Variants in BICRAL observed in about 807,000 individuals in gnomAD.
BICRAL encodes the protein BICRA like chromatin remodeling complex associated protein, also known as BRD4-interacting chromatin-remodeling complex-associated protein-like.
BICRAL carries 8 observed loss-of-function variants against 91.8 expected under a neutral mutation model. The ratio of observed to expected loss-of-function variants is 0.09; its 90% CI spans 0.05 to 0.16. The LOEUF (loss-of-function observed/expected upper bound fraction) is 0.16. BICRAL is among the 10% of genes least tolerant of loss of function. BICRAL has a pLI of 1.00. For missense variants in BICRAL, 1,038 were observed against 1,310.9 expected, an observed-to-expected ratio of 0.79 and a Z score of 3.21; for synonymous variants, 445 against 491.1, an observed-to-expected ratio of 0.91 and a Z score of 1.24.
At chr6:42,827,302 A>G (rs909278026) in intron 5 of BICRAL, among the ~76,000 whole-genome samples, 3 of 152,230 alleles carry the variant, frequency 2.0e-5, no homozygotes, top group Non-Finnish European at 4.4e-5. Context: ...TGTGTAAGGC[A>G]CGTAAGATCA....
chr6:42,867,898 T>C lies in BICRAL; in HGVS notation c.*2452T>C, dbSNP rs1765759608. The C allele has an allele frequency of 1.3e-5, 2 of 152,472 alleles. No homozygotes were observed. Among genetic ancestry groups the C allele is most frequent in the South Asian group, 4.1e-4 (2 of 4,828 alleles). 9.4% of individuals were successfully genotyped at this position (152,472 alleles called of 1,614,324 possible). ...AATGACAAATGAAGATTATGACATG[T>C]ATTTCACTCCTGTGATTAGGTTCTA... On this transcript the variant is annotated 3_prime_UTR_variant, in exon 13 of 13. Coordinates refer to ENST00000314073, the MANE Select transcript of BICRAL (RefSeq NM_001393499.1).
At chr6:42,816,750 C>T (rs192523525) in intron 2 of BICRAL, among the ~76,000 whole-genome samples, 15 of 152,026 alleles carry the variant, frequency 9.9e-5, no homozygotes, top group African/African-American at 3.6e-4. Flanking sequence ...CGTGGTGGCT[C>T]ACGCCTGTAA....
intron 3 of BICRAL, 32 bp from the exon 4 acceptor site, chr6:42,822,764 T>C: frequency 7.8e-7 from 1 of 1,276,202 alleles, no homozygotes; most frequent in South Asian, 1.2e-5. Context: ...ATTTGTTTGT[T>C]GTTTTATCTC....
At position 42,830,108 on chromosome 6, in the gene BICRAL, C is replaced by T. The variant is rs754908273; in HGVS notation, c.1775C>T (p.Ser592Phe). The T allele has an allele frequency of 3.7e-6, 6 of 1,614,056 alleles. No homozygotes were observed. The highest frequency in any genetic ancestry group is 5.1e-6 in the Non-Finnish European group (6 of 1,179,996). The change falls in exon 6 of 13, where the codon TCC (serine) becomes TTC (phenylalanine). Residue 592 changes from serine to phenylalanine, a missense_variant. Around this residue, in one of 5 missense-constraint regions of BICRAL, gnomAD observed 532 missense variants for 724.9 expected, o/e 0.73. Coordinates refer to ENST00000314073, the MANE Select transcript of BICRAL (RefSeq NM_001393499.1). ...TCTCATCGTCTTCCAGTTTCTTCTT[C>T]CAAGTCTACCAGCACCTTCAGTAAC... ...SVSHRLPVSS[S>F]KSTSTFSNTP...
upstream of BICRAL, among the ~76,000 whole-genome samples, chr6:42,778,309 C>T (rs780330610): frequency 1.2e-4 from 19 of 152,178 alleles, no homozygotes; most frequent in African/African-American, 4.6e-4. Context: ...CCTGACAGAG[C>T]GTGAGTTTTG....
chr6:42,813,668 G>A (rs1024334436), intron 2 of BICRAL, among the ~76,000 whole-genome samples: 26 of 152,024 alleles, frequency 1.7e-4, no homozygotes, highest in Admixed American at 1.6e-3. Context: ...TTACAGGTGC[G>A]CACCACCATG....
intron 1 of BICRAL, among the ~76,000 whole-genome samples, chr6:42,808,077 G>A (rs757135933): frequency 1.3e-5 from 2 of 151,472 alleles, no homozygotes; most frequent in Non-Finnish European, 2.9e-5. Flanking sequence ...TATTTGCTGG[G>A]GATATGAAGA....
intron 1 of BICRAL, among the ~76,000 whole-genome samples, chr6:42,808,680 G>C (rs909144584): frequency 6.7e-6 from 1 of 150,014 alleles, no homozygotes; most frequent in African/African-American, 2.5e-5. Context: ...GGGTGTGTGT[G>C]GGGGAGAGAT....
chr6:42,781,374 A>C (rs1762898817), upstream of BICRAL, among the ~76,000 whole-genome samples: 1 of 151,994 alleles, frequency 6.6e-6, no homozygotes, highest in Admixed American at 6.6e-5. Flanking sequence ...GGAATGGACA[A>C]AGAGTGTTGC....
chr6:42,790,829 A>G (rs1281783037), intron 1 of BICRAL, among the ~76,000 whole-genome samples: 1 of 152,032 alleles, frequency 6.6e-6, no homozygotes, highest in Non-Finnish European at 1.5e-5. Context: ...AATGTTCTGT[A>G]TAGTAGAAGA....
intron 10 of BICRAL, 26 bp from the exon 11 acceptor site, chr6:42,860,236 A>G (rs1765512037): frequency 5.3e-6 from 7 of 1,310,502 alleles, no homozygotes; most frequent in Non-Finnish European, 7.7e-6. Flanking sequence ...GTCTCTCACT[A>G]TTTCTTTGTC....
At chr6:42,767,824 G>A (rs1002663062) in intron 1 of BICRAL, among the ~76,000 whole-genome samples, 1 of 152,200 alleles carries the variant, frequency 6.6e-6, no homozygotes, top group Non-Finnish European at 1.5e-5. Context: ...GAAGGCAGGG[G>A]AGGTGTCCAT....
chr6:42,815,004 G>A (rs1398037704), intron 2 of BICRAL, among the ~76,000 whole-genome samples: 1 of 150,614 alleles, frequency 6.6e-6, no homozygotes, highest in Non-Finnish European at 1.5e-5. Context: ...TCCACCTCCT[G>A]GTTCAAGAGA....
chr6:42,794,131 C>T (rs1200758685), intron 1 of BICRAL, among the ~76,000 whole-genome samples: 1 of 151,896 alleles, frequency 6.6e-6, no homozygotes, highest in Non-Finnish European at 1.5e-5. Flanking sequence ...CTTCCTGCCT[C>T]AGCCTCCCAG....
rs906684018 is a variant in BICRAL at position 42,850,822 on chromosome 6, T to G, written c.1840-1270T>G. 3.3e-5 allele frequency among the ~76,000 whole-genome samples: 5 copies of G among 151,518 alleles called. No individual in the cohort carries two copies. The South Asian group carries it at 1.0e-3, about 32-fold the overall frequency. ...AGGCGGAGGTTGCAGTGAGCCGAGA[T>G]TGCACCACTGCACTCCAGCCTGGTG... On this transcript the variant is annotated intron_variant, in intron 6 of 12. Transcript: ENST00000314073.
chr6:42,795,148 A>G (rs1049760965), intron 1 of BICRAL, among the ~76,000 whole-genome samples: 7 of 152,162 alleles, frequency 4.6e-5, no homozygotes, highest in African/African-American at 1.7e-4. Flanking sequence ...AACGTGACAA[A>G]AAGTCGGGTG....
intron 10 of BICRAL, among the ~76,000 whole-genome samples, chr6:42,858,810 T>G (rs889462460): frequency 5.9e-5 from 9 of 151,660 alleles, no homozygotes; most frequent in African/African-American, 1.9e-4. Flanking sequence ...AGAGCGAAAC[T>G]CCATCTAAAA....
At position 42,868,307 on chromosome 6, in the gene BICRAL, G is replaced by A. The variant is rs1175198824; in HGVS notation, c.*2861G>A. The A allele has an allele frequency of 6.6e-6, 1 of 151,776 alleles. No homozygotes were observed. The highest frequency in any genetic ancestry group is 2.4e-5 in the African/African-American group (1 of 41,212). 9.4% of individuals were successfully genotyped at this position (151,776 alleles called of 1,614,324 possible). On this transcript the variant is annotated 3_prime_UTR_variant, in exon 13 of 13. Transcript: ENST00000314073. ...TGTCAGTGTGGTGTGGGCTTTATTT[G>A]CTTAAATACCTTCATTTGTATAGTA...
chr6:42,834,223 G>A (rs1351925276), intron 6 of BICRAL, among the ~76,000 whole-genome samples: 1 of 152,156 alleles, frequency 6.6e-6, no homozygotes, highest in Non-Finnish European at 1.5e-5. Flanking sequence ...TTTTTAACAG[G>A]ATTGCCACAG....
Sources: allele counts gnomAD v4.1 joint callset (sites outside exome capture counted in the v4.1 genomes callset), GRCh38; gene constraint gnomAD v4.1.1; regional missense constraint gnomAD v4.1.1; transcripts MANE v1.5; gene names NCBI Gene and HGNC (gene_info 2026-07-23, HGNC 2026-07-21).